SOBP: variants seen among roughly 807,000 people sequenced by gnomAD.
The protein encoded by SOBP is sine oculis binding protein homolog, also known as sine oculis-binding protein homolog.
In SOBP, 4 loss-of-function variants were observed where a neutral mutation model predicts 53.6. The observed-to-expected ratio is 0.07, with a 90% CI of 0.04 to 0.17. The LOEUF (loss-of-function observed/expected upper bound fraction) is 0.17, where lower values mean the gene tolerates loss of function less well. Among genes scored for constraint, SOBP ranks in the 10% least tolerant of loss-of-function variants. The pLI, the probability that SOBP is intolerant of heterozygous loss-of-function variation, is 1.00. For synonymous variants in SOBP, 584 were observed against 522.6 expected (o/e 1.12, Z -1.60); for missense variants, 1,088 against 1,204.7 (o/e 0.90, Z 1.43).
chr6:107,564,317 G>A (rs1196491793), intron 4 of SOBP, among the ~76,000 whole-genome samples: 1 of 152,176 alleles, frequency 6.6e-6, no homozygotes, highest in African/African-American at 2.4e-5. Context: ...TCAATGCTAG[G>A]AAGGTGCTCT....
At chr6:107,650,660 G>A (rs1241530023) in intron 6 of SOBP, among the ~76,000 whole-genome samples, 1 of 152,162 alleles carries the variant, frequency 6.6e-6, no homozygotes, top group Non-Finnish European at 1.5e-5. Flanking sequence ...GGTATGTTCT[G>A]ACTGCTCCAC....
Position 107,587,180 on chromosome 6 carries a change from G to A in SOBP, c.669+5G>A. 1 of 1,608,846 alleles carries A rather than the reference G, an allele frequency of 6.2e-7. No homozygotes were observed. Among genetic ancestry groups the A allele is most frequent in the Non-Finnish European group, 8.5e-7 (1 of 1,175,904 alleles). ...AAGAATAACTGCGAACTACTTGTAAGAATAACATACTTACAACAAGTCTAG... is the reference window on the plus strand; with the variant it reads ...AAGAATAACTGCGAACTACTTGTAAAAATAACATACTTACAACAAGTCTAG... On this transcript the variant is annotated splice_donor_5th_base_variant and intron_variant, in intron 5 of 6. Transcript: ENST00000317357.
intron 5 of SOBP, among the ~76,000 whole-genome samples, chr6:107,598,334 G>A (rs1786024608): frequency 6.6e-6 from 1 of 152,212 alleles, no homozygotes; most frequent in South Asian, 2.1e-4. Flanking sequence ...GGGAAGAAAT[G>A]ATGGCCTGGA....
chr6:107,649,520 A>G (rs1771711926), intron 6 of SOBP, among the ~76,000 whole-genome samples: 1 of 152,108 alleles, frequency 6.6e-6, no homozygotes, highest in Non-Finnish European at 1.5e-5. Flanking sequence ...ATAAACCACA[A>G]TGGGAAGTAC....
At chr6:107,658,134 G>C (rs1772144752) in intron 6 of SOBP, 73 bp from the exon 7 acceptor site, 1 of 152,968 alleles carries the variant, frequency 6.5e-6, no homozygotes, top group Non-Finnish European at 1.5e-5. Context: ...TCATGCCTGG[G>C]TTCTCCCCAG....
At chr6:107,492,721 A>T (rs1033821876) in intron 1 of SOBP, among the ~76,000 whole-genome samples, 5 of 152,160 alleles carry the variant, frequency 3.3e-5, no homozygotes, top group Non-Finnish European at 5.9e-5. Context: ...TCCTCTTTTT[A>T]AAATATTATT....
chr6:107,597,433 A>G (rs1562090302), intron 5 of SOBP, among the ~76,000 whole-genome samples: 2 of 152,332 alleles, frequency 1.3e-5, no homozygotes, highest in Admixed American at 1.3e-4. Flanking sequence ...ATGTTATTAC[A>G]TAGCTACCAT....
intron 6 of SOBP, among the ~76,000 whole-genome samples, chr6:107,637,147 T>A (rs1449122175): frequency 1.3e-5 from 2 of 152,238 alleles, no homozygotes; most frequent in Non-Finnish European, 2.9e-5. Flanking sequence ...CTTCTCTAAG[T>A]GTTCAGACAG....
intron 4 of SOBP, among the ~76,000 whole-genome samples, chr6:107,572,981 C>T (rs375317134): frequency 2.0e-5 from 3 of 152,156 alleles, no homozygotes; most frequent in Non-Finnish European, 1.5e-5. Flanking sequence ...GGGCTGCTCA[C>T]GCGGGAGCCC....
At chr6:107,552,695 C>A (rs938230004) in intron 4 of SOBP, among the ~76,000 whole-genome samples, 1 of 152,136 alleles carries the variant, frequency 6.6e-6, no homozygotes, top group Non-Finnish European at 1.5e-5. Flanking sequence ...CAAGGATTGG[C>A]CAACATCAGG....
Position 107,548,199 on chromosome 6 carries a change from A to C in SOBP, c.573+14589A>C, listed in dbSNP as rs188447341. ...AAAGGAATCCCCAATCTCATGGCCTACTGGCACCAGAGAAAACCATGTACC... is the reference window on the plus strand; with the variant it reads ...AAAGGAATCCCCAATCTCATGGCCTCCTGGCACCAGAGAAAACCATGTACC... On this transcript the variant is annotated intron_variant, in intron 4 of 6. Transcript: ENST00000317357. Among the ~76,000 whole-genome samples, 15 of 152,244 alleles carry C rather than the reference A, an allele frequency of 9.9e-5. No homozygotes were observed. The East Asian group carries it at 2.9e-3, about 29-fold the overall frequency.
intron 5 of SOBP, among the ~76,000 whole-genome samples, chr6:107,599,787 A>G (rs918579200): frequency 5.9e-5 from 9 of 152,218 alleles, no homozygotes; most frequent in African/African-American, 1.9e-4. Flanking sequence ...GAATATATCA[A>G]TTAGGCACTT....
At chr6:107,604,963 T>C (rs553005807) in intron 5 of SOBP, among the ~76,000 whole-genome samples, 9 of 152,218 alleles carry the variant, frequency 5.9e-5, no homozygotes, top group Non-Finnish European at 1.3e-4. Flanking sequence ...AAAAATTCTT[T>C]GGCCCATCTG....
Position 107,635,295 on chromosome 6 carries a change from T to C in SOBP, c.2451T>C (p.Ala817=). Residue 817 remains alanine, a synonymous_variant, in exon 6 of 7, where the codon GCT becomes GCC. Transcript: ENST00000317357. This position sits in a 1 kb window ranked among gnomAD's most constrained non-coding sequence, Gnocchi z 4.5. ...NNPADEDHAY[A]LRMLPKTGCV... is the part of the protein sequence containing the mutation. ...CCGCGGACGAGGACCATGCCTATGCTCTGCGGATGCTGCCCAAGACCGGCT... is the reference window on the plus strand; with the variant it reads ...CCGCGGACGAGGACCATGCCTATGCCCTGCGGATGCTGCCCAAGACCGGCT... 6.2e-7 allele frequency: 1 copy of C among 1,613,802 alleles called. No individual in the cohort carries two copies. The highest frequency in any genetic ancestry group is 8.5e-7 in the Non-Finnish European group (1 of 1,179,984).
intron 5 of SOBP, among the ~76,000 whole-genome samples, chr6:107,625,870 T>G (rs1179134282): frequency 2.0e-5 from 3 of 152,226 alleles, no homozygotes; most frequent in African/African-American, 7.2e-5. Context: ...AGAAATGAGG[T>G]GTGTGACCAC....
chr6:107,631,751 A>G (rs542078635), intron 5 of SOBP, among the ~76,000 whole-genome samples: 2 of 152,372 alleles, frequency 1.3e-5, no homozygotes, highest in South Asian at 4.1e-4. Flanking sequence ...CTAATCATCA[A>G]AGGTAACTCA....
intron 5 of SOBP, among the ~76,000 whole-genome samples, chr6:107,616,962 A>G (rs1291051716): frequency 6.6e-6 from 1 of 152,106 alleles, no homozygotes; most frequent in Non-Finnish European, 1.5e-5. Flanking sequence ...TTGTGGTGAG[A>G]GAGGATGAAC....
rs190741906 is a variant in SOBP, at chr6:107,644,789, G to A, written c.*3+9320G>A. 4.8e-3 allele frequency among the ~76,000 whole-genome samples: 738 copies of A among 152,258 alleles called. 6 individuals are homozygous for A. The highest frequency in any genetic ancestry group is 0.017 in the African/African-American group (711 of 41,542). ...CAAATTTCTTTTAAAATACACATGGGTTTGAAAATTAAGGCCAAAGTGCTT... is the reference window on the plus strand; with the variant it reads ...CAAATTTCTTTTAAAATACACATGGATTTGAAAATTAAGGCCAAAGTGCTT... On this transcript the variant is annotated intron_variant, in intron 6 of 6. Transcript: ENST00000317357.
Position 107,634,929 on chromosome 6 carries a change from C to T in SOBP, c.2085C>T (p.Asp695=). 5 of 1,141,154 alleles carry T rather than the reference C, an allele frequency of 4.4e-6. No individual in the cohort carries two copies. Among genetic ancestry groups the T allele is most frequent in the Non-Finnish European group, 5.4e-6 (5 of 930,456 alleles). 70.7% of individuals were successfully genotyped at this position (1,141,154 alleles called of 1,614,324 possible). A position where few individuals can be genotyped will look rare whatever the true frequency, so the allele number is the denominator to read the frequency against. Residue 695 remains aspartate (D), a synonymous_variant, in exon 6 of 7, where the codon GAC becomes GAT. Transcript: ENST00000317357. This position sits in a 1 kb window ranked among gnomAD's most constrained non-coding sequence, Gnocchi z 4.5. ...GCAGGACCTGCGGCGGCTGCAGGGA[C>T]GGCCACTGCAGCCCGCCCGCCGCCG... is the stretch of plus-strand genomic sequence containing the variant. ...AERRTCGGCR[D]GHCSPPAAGD... is the part of the protein sequence containing the mutation.
Sources: allele counts gnomAD v4.1 joint callset (sites outside exome capture counted in the v4.1 genomes callset), GRCh38; gene constraint gnomAD v4.1.1; non-coding constraint Gnocchi (gnomAD v3.1); transcripts MANE v1.5; gene names NCBI Gene and HGNC (gene_info 2026-07-23, HGNC 2026-07-21).